Variants in TEPSIN observed in about 807,000 individuals in gnomAD.
TEPSIN encodes the protein AP-4 complex accessory subunit tepsin.
Under a neutral mutation model 48.5 loss-of-function variants are expected in TEPSIN, and 50 were observed. The ratio of observed to expected loss-of-function variants is 1.03; its 90% CI spans 0.82 to 1.31. The LOEUF (loss-of-function observed/expected upper bound fraction) is 1.31, where lower values mean the gene tolerates loss of function less well. Among genes scored for constraint, TEPSIN ranks in the 50% most tolerant of loss-of-function variants. The pLI is 0.00. For synonymous variants in TEPSIN, 392 were observed against 358.8 expected (o/e 1.09, Z -1.05); for missense variants, 838 against 815.9 (o/e 1.03, Z -0.33).
At chr17:81,229,767 G>A (rs916457484) in intron 12 of TEPSIN, 4 of 465,448 alleles carry the variant, frequency 8.6e-6, no homozygotes, top group Non-Finnish European at 1.5e-5. Flanking sequence ...GTCATAACCC[G>A]CCAGGCACTG....
chr17:81,233,941 G>A lies in TEPSIN; in HGVS notation c.375+40C>T, dbSNP rs1316686840. 1.3e-6 allele frequency: 2 copies of A among 1,574,750 alleles called. No individual in the cohort carries two copies. Among genetic ancestry groups the A allele is most frequent in the South Asian group, 1.2e-5 (1 of 85,772 alleles). On this transcript the variant is annotated intron_variant, in intron 5 of 12. Coordinates refer to ENST00000637944, the MANE Select transcript of TEPSIN (RefSeq NM_001363764.2). The surrounding 1 kb of genome is among the most constrained non-coding windows in gnomAD (Gnocchi z 5.8). ...GCCCCAATCCCACCCCTCTACAGGAGGAGGGGCACCCCGCAGAGCGACACT... is the reference window on the plus strand; with the variant it reads ...GCCCCAATCCCACCCCTCTACAGGAAGAGGGGCACCCCGCAGAGCGACACT...
chr17:81,232,346 G>GA lies in TEPSIN; in HGVS notation c.698_699insT (p.Leu234ProfsTer25). The GA allele has an allele frequency of 6.5e-7, 1 of 1,534,530 alleles. No individual in the cohort carries two copies. Among genetic ancestry groups the GA allele is most frequent in the Non-Finnish European group, 8.7e-7 (1 of 1,145,716 alleles). On this transcript the variant is annotated frameshift_variant, in exon 8 of 13. Coordinates refer to ENST00000637944, the MANE Select transcript of TEPSIN (RefSeq NM_001363764.2). LOFTEE classifies it high-confidence loss of function. The stretch of plus-strand genomic sequence containing the variant: ...GACCTGGAATGGCCCCGGGGAGTAG[G>GA]TTCCCCAGGGTTGGGGGACCGTGGC...
intron 12 of TEPSIN, 29 bp from the exon 13 acceptor site, chr17:81,229,505 T>G: frequency 6.5e-7 from 1 of 1,543,486 alleles, no homozygotes; most frequent in South Asian, 1.2e-5. Flanking sequence ...ACCAGGGAGG[T>G]TCCTATGCAA....
rs564123135 is a variant in TEPSIN at position 81,233,575 on chromosome 17, C to G, written c.454+63G>C. ...CCTGCCCACGGATGGCACAGACACC[C>G]AGGACACTCAAGGAGGCAGAAACCA... On this transcript the variant is annotated intron_variant, in intron 6 of 12. Coordinates refer to ENST00000637944, the MANE Select transcript of TEPSIN (RefSeq NM_001363764.2). This position sits in a 1 kb window ranked among gnomAD's most constrained non-coding sequence, Gnocchi z 5.8. 6.4e-7 allele frequency: 1 copy of G among 1,568,662 alleles called. No individual in the cohort carries two copies. The highest frequency in any genetic ancestry group is 1.8e-5 in the Admixed American group (1 of 54,406).
In TEPSIN at chr17:81,231,049, GCA is replaced by G. The variant is rs548980074; in HGVS notation, c.1098+347_1098+348del. 84 of 494,220 alleles carry G rather than the reference GCA, an allele frequency of 1.7e-4. 1 individual carries two copies. The highest frequency in any genetic ancestry group is 1.5e-3 in the East Asian group (42 of 28,090). 30.6% of individuals were successfully genotyped at this position (494,220 alleles called of 1,614,324 possible). On this transcript the variant is annotated intron_variant, in intron 11 of 12. Coordinates refer to ENST00000637944, the MANE Select transcript of TEPSIN (RefSeq NM_001363764.2). Reference sequence around the variant, plus strand: ...TTCCTCCGCACGCCCCCCGACACACGCACACACGTGTCCACACTTTCATGTGC... The same window carrying G: ...TTCCTCCGCACGCCCCCCGACACACGCACACGTGTCCACACTTTCATGTGC...
intron 4 of TEPSIN, among the ~76,000 whole-genome samples, chr17:81,235,224 C>T (rs1054073998): frequency 5.9e-5 from 9 of 152,226 alleles, no homozygotes; most frequent in African/African-American, 1.2e-4. Context: ...TGCTCCTGAC[C>T]GCAATCGGCT....
Position 81,237,466 on chromosome 17 carries a change from G to A in TEPSIN, c.49-7C>T, listed in dbSNP as rs2062744376. ...CCTTCAGGAGAATCGGGAGCTGAAA[G>A]GGAACAAGAGCCCCTACCATGATGA... On this transcript the variant is annotated splice_polypyrimidine_tract_variant and splice_region_variant and intron_variant, in intron 1 of 12. Coordinates refer to ENST00000637944, the MANE Select transcript of TEPSIN (RefSeq NM_001363764.2). 4.4e-6 allele frequency: 7 copies of A among 1,605,970 alleles called. No homozygotes were observed. Among genetic ancestry groups the A allele is most frequent in the Non-Finnish European group, 5.9e-6 (7 of 1,176,784 alleles).
chr17:81,233,822 C>A lies in TEPSIN; in HGVS notation c.376-106G>T. The A allele has an allele frequency of 4.3e-6, 6 of 1,392,952 alleles. No individual in the cohort carries two copies. Among genetic ancestry groups the A allele is most frequent in the Non-Finnish European group, 5.8e-6 (6 of 1,035,088 alleles). 86.3% of individuals were successfully genotyped at this position (1,392,952 alleles called of 1,614,324 possible). A position where few individuals can be genotyped will look rare whatever the true frequency, so the allele number is the denominator to read the frequency against. On this transcript the variant is annotated intron_variant, in intron 5 of 12. Transcript: ENST00000637944. This position sits in a 1 kb window ranked among gnomAD's most constrained non-coding sequence, Gnocchi z 5.8. ...CTGTCCCCCGGACACTTCTCCTGAG[C>A]CACTCAGCTGGACACAGGCTCTGTG...
In TEPSIN at chr17:81,233,840, GCT is replaced by G. The variant is rs901992709; in HGVS notation, c.376-126_376-125del. 8 of 1,341,528 alleles carry G rather than the reference GCT, an allele frequency of 6.0e-6. No homozygotes were observed. In the African/African-American group the frequency reaches 1.2e-4, roughly 20 times the overall value. 83.1% of individuals were successfully genotyped at this position (1,341,528 alleles called of 1,614,324 possible). A position where few individuals can be genotyped will look rare whatever the true frequency, so the allele number is the denominator to read the frequency against. The stretch of plus-strand genomic sequence containing the variant: ...TCCTGAGCCACTCAGCTGGACACAG[GCT>G]CTGTGTCCACCAGCAAGGAGCAGAG... On this transcript the variant is annotated intron_variant, in intron 5 of 12. Coordinates refer to ENST00000637944, the MANE Select transcript of TEPSIN (RefSeq NM_001363764.2). The surrounding 1 kb of genome is among the most constrained non-coding windows in gnomAD (Gnocchi z 5.8).
chr17:81,231,041 C>T (rs77481605), intron 11 of TEPSIN: 35 of 496,186 alleles, frequency 7.1e-5, no homozygotes, highest in South Asian at 4.5e-4. Context: ...GCACGCCCCC[C>T]GACACACGCA....
rs766227306 is a variant in TEPSIN at position 81,229,106 on chromosome 17, C to G, written c.1604G>C (p.Arg535Pro). 1 of 1,613,354 alleles carries G rather than the reference C, an allele frequency of 6.2e-7. No homozygotes were observed. The highest frequency in any genetic ancestry group is 8.5e-7 in the Non-Finnish European group (1 of 1,179,938). The change falls in exon 13 of 13, where the codon CGC becomes CCC. Residue 535 changes from arginine to proline, a missense_variant. By Grantham distance (103) the Arg-to-Pro change is moderately radical. Transcript: ENST00000637944. Reference sequence around the variant, plus strand: ...CTCCATGCCAGCAAACAAGGAGTCGCGGCTCCACGCACAGCTGCTGGGGCC... The same window carrying G: ...CTCCATGCCAGCAAACAAGGAGTCGGGGCTCCACGCACAGCTGCTGGGGCC... ...KRGPSSCAWS[R>P]DSLFAGMELV...
Position 81,228,429 on chromosome 17 carries a change from T to TTAAA in TEPSIN, c.*498_*499insTTTA. On this transcript the variant is annotated 3_prime_UTR_variant, in exon 13 of 13. Transcript: ENST00000637944. ...AGGTGAGAGCCAGGGAAGGATCACG[T>TTAAA]AGGGATCTGAGACTTGAAATGGCCT... 1 of 199,210 alleles carries TTAAA rather than the reference T, an allele frequency of 5.0e-6. No homozygotes were observed. Among genetic ancestry groups the TTAAA allele is most frequent in the Non-Finnish European group, 1.0e-5 (1 of 98,822 alleles). 12.3% of individuals were successfully genotyped at this position (199,210 alleles called of 1,614,324 possible).
Position 81,233,309 on chromosome 17 carries a change from G to T in TEPSIN, c.526+123C>A. ...TGGGGACAGCCCCAGGAAGGGTTGAGGCCATGTAGGGGAGGGGACGGGGGA... is the reference window on the plus strand; with the variant it reads ...TGGGGACAGCCCCAGGAAGGGTTGATGCCATGTAGGGGAGGGGACGGGGGA... On this transcript the variant is annotated intron_variant, in intron 7 of 12. Transcript: ENST00000637944. The surrounding 1 kb of genome is among the most constrained non-coding windows in gnomAD (Gnocchi z 5.8). 8.6e-7 allele frequency: 1 copy of T among 1,169,420 alleles called. No individual in the cohort carries two copies. The allele number at this position is 1,169,420 out of a possible 1,614,324, so 72.4% of individuals were successfully genotyped here.
In TEPSIN at chr17:81,236,837, C is replaced by T. The variant is rs113031756; in HGVS notation, c.214-36G>A. 2.3e-3 allele frequency: 3,562 copies of T among 1,550,130 alleles called. 74 individuals carry two copies. The African/African-American group carries it at 0.041, about 18-fold the overall frequency. On this transcript the variant is annotated intron_variant, in intron 3 of 12. Transcript: ENST00000637944. ...GGGCGGTCAGCAGTGCTGGGCAGGC[C>T]GGACACGGGACACCCAGGGCAGGGC...
In TEPSIN at chr17:81,232,337, G is replaced by T; in HGVS notation, c.708C>A (p.Pro236=). ...HGPPTLGNLL[P]GAIPGPRAVR... ...TACCTCGGGGACCTGGAATGGCCCC[G>T]GGGAGTAGGTTCCCCAGGGTTGGGG... The change falls in exon 8 of 13, where the codon CCC becomes CCA. Residue 236 remains proline, a synonymous_variant. Transcript: ENST00000637944. The T allele has an allele frequency of 6.5e-7, 1 of 1,533,810 alleles. No homozygotes were observed. The highest frequency in any genetic ancestry group is 1.2e-5 in the South Asian group (1 of 83,950).
chr17:81,231,825 A>AT (rs2062618455), intron 9 of TEPSIN, 22 bp downstream of exon 9: 1 of 1,611,292 alleles, frequency 6.2e-7, no homozygotes, highest in East Asian at 2.2e-5. Flanking sequence ...CCTCTCCCAC[A>AT]TATCTGGCAG....
intron 1 of TEPSIN, 155 bp downstream of exon 1, chr17:81,238,831 G>A (rs2062773293): frequency 7.5e-7 from 1 of 1,333,934 alleles, no homozygotes; most frequent in African/African-American, 1.5e-5. Context: ...GCGGCGGGCG[G>A]GCAGCTCAGG....
At position 81,238,991 on chromosome 17, in the gene TEPSIN, G is replaced by A; in HGVS notation, c.43C>T (p.His15Tyr). 1.3e-6 allele frequency: 2 copies of A among 1,485,736 alleles called. No individual in the cohort carries two copies. The highest frequency in any genetic ancestry group is 1.8e-6 in the Non-Finnish European group (2 of 1,123,646). The allele number at this position is 1,485,736 out of a possible 1,614,324, so 92.0% of individuals were successfully genotyped here. ...GGCGGACCGCCCTCACTCACCCGGT[G>A]TAGAAAGCTCAGGCGGTCCCGTAGC... ...PPLRDRLSFLHRLPILLKGTS... is the reference protein window; with the variant it reads ...PPLRDRLSFLYRLPILLKGTS... The change falls in exon 1 of 13, where the codon CAC becomes TAC. Residue 15 changes from histidine (H) to tyrosine (Y), a missense_variant. Coordinates refer to ENST00000637944, the MANE Select transcript of TEPSIN (RefSeq NM_001363764.2).
In TEPSIN at chr17:81,237,405, G is replaced by C. The variant is rs1393651654; in HGVS notation, c.103C>G (p.Leu35Val). 6.2e-7 allele frequency: 1 copy of C among 1,611,980 alleles called. No individual in the cohort carries two copies. Among genetic ancestry groups the C allele is most frequent in the Non-Finnish European group, 8.5e-7 (1 of 1,179,460 alleles). The change falls in exon 2 of 13, where the codon CTG becomes GTG. Residue 35 changes from leucine (L) to valine (V), a missense_variant. By Grantham distance (32) the Leu-to-Val change is conservative. Coordinates refer to ENST00000637944, the MANE Select transcript of TEPSIN (RefSeq NM_001363764.2). ...AGGATACTAGCAATCTCTTCAAACA[G>C]GTAGCCCGGACACGGGACATCATCA... Reference protein sequence around the residue: ...SDDDVPCPGYLFEEIAKISHE... With the variant: ...SDDDVPCPGYVFEEIAKISHE...
Sources: gnomAD v4.1 joint callset for allele counts (sites outside exome capture counted in the v4.1 genomes callset) on GRCh38, gnomAD v4.1.1 for gene constraint, Gnocchi (gnomAD v3.1) non-coding constraint, MANE v1.5 for transcripts, NCBI Gene and HGNC (gene_info 2026-07-23, HGNC 2026-07-21) for gene names.